Variants in INPP4B observed in about 807,000 individuals in gnomAD.
The protein encoded by INPP4B is inositol polyphosphate 4-phosphatase type II.
In INPP4B, 55 loss-of-function variants were observed where a neutral mutation model predicts 122.5. That is an observed-to-expected ratio of 0.45 (90% confidence interval 0.36 to 0.56). The LOEUF (loss-of-function observed/expected upper bound fraction) is 0.56. Among genes scored for constraint, INPP4B ranks in the 20% least tolerant of loss-of-function variants. INPP4B has a pLI of 0.00. For synonymous variants in INPP4B, 403 were observed against 388.7 expected (o/e 1.04, Z -0.43); for missense variants, 1,000 against 1,097.7 (o/e 0.91, Z 1.26).
chr4:142,497,237 G>A (rs192664539), intron 2 of INPP4B, among the ~76,000 whole-genome samples: 8 of 152,178 alleles, frequency 5.3e-5, no homozygotes, highest in African/African-American at 1.9e-4. Context: ...ACTAATGTGA[G>A]GTGAGAAATG....
chr4:142,213,215 C>T (rs1845627528), intron 12 of INPP4B, among the ~76,000 whole-genome samples: 1 of 152,196 alleles, frequency 6.6e-6, no homozygotes, highest in Admixed American at 6.5e-5. Context: ...CCACTTAGGA[C>T]AAATTGCTGC....
chr4:142,088,814 G>A (rs1466847121), intron 23 of INPP4B, among the ~76,000 whole-genome samples: 1 of 152,150 alleles, frequency 6.6e-6, no homozygotes, highest in East Asian at 1.9e-4. Context: ...AAATTCTTAC[G>A]ATATAAAGAC....
intron 2 of INPP4B, among the ~76,000 whole-genome samples, chr4:142,698,044 CAAG>C (rs777423578): frequency 1.3e-5 from 2 of 151,910 alleles, no homozygotes; most frequent in African/African-American, 2.4e-5. Flanking sequence ...GAGTATAATG[CAAG>C]AAGACTGGCT....
intron 2 of INPP4B, among the ~76,000 whole-genome samples, chr4:142,513,442 T>A (rs957411257): frequency 6.6e-6 from 1 of 151,928 alleles, no homozygotes; most frequent in African/African-American, 2.4e-5. Context: ...ACTCTCCCTC[T>A]TGTCCCCCAG....
At chr4:142,428,624 C>T (rs1401564872) in intron 5 of INPP4B, among the ~76,000 whole-genome samples, 1 of 151,930 alleles carries the variant, frequency 6.6e-6, no homozygotes, top group Non-Finnish European at 1.5e-5. Context: ...CATCCTTGGA[C>T]AAAGTTACAA....
intron 7 of INPP4B, among the ~76,000 whole-genome samples, chr4:142,359,505 T>G (rs2148513354): frequency 6.6e-6 from 1 of 152,120 alleles, no homozygotes. Flanking sequence ...TCTTACATTT[T>G]TATCATCTAA....
intron 2 of INPP4B, among the ~76,000 whole-genome samples, chr4:142,525,509 C>A (rs1231709068): frequency 1.3e-5 from 1 of 75,820 alleles, no homozygotes; most frequent in African/African-American, 3.9e-5. Context: ...CTATAGTAAG[C>A]AAAACAGCAT....
intron 2 of INPP4B, among the ~76,000 whole-genome samples, chr4:142,583,938 C>T (rs1302503822): frequency 6.6e-6 from 1 of 151,718 alleles, no homozygotes; most frequent in African/African-American, 2.4e-5. Flanking sequence ...CTATTCCAAT[C>T]AAAATTAAAA....
intron 7 of INPP4B, among the ~76,000 whole-genome samples, chr4:142,327,154 AAG>A (rs72576335): frequency 0.015 from 2,285 of 152,262 alleles, 57 homozygotes; most frequent in African/African-American, 0.052. Flanking sequence ...GCCCCCAATT[AAG>A]ACTATAGTCA....
chr4:142,685,699 G>A (rs574989195), intron 2 of INPP4B, among the ~76,000 whole-genome samples: 2 of 152,186 alleles, frequency 1.3e-5, no homozygotes, highest in Non-Finnish European at 2.9e-5. Flanking sequence ...GGTCAAGGCT[G>A]CAGTGAGCTG....
chr4:142,362,008 T>C (rs182826054), intron 7 of INPP4B, among the ~76,000 whole-genome samples: 16 of 151,996 alleles, frequency 1.1e-4, no homozygotes, highest in Non-Finnish European at 2.2e-4. Context: ...AAGTAAAACA[T>C]GAACACAAAC....
chr4:142,278,557 C>T (rs763348003), intron 9 of INPP4B, among the ~76,000 whole-genome samples: 24 of 151,898 alleles, frequency 1.6e-4, no homozygotes, highest in Non-Finnish European at 3.4e-4. Flanking sequence ...AAAGTTACCT[C>T]TCTGATTGGA....
intron 7 of INPP4B, among the ~76,000 whole-genome samples, chr4:142,349,753 T>G (rs1380971740): frequency 6.6e-6 from 1 of 151,980 alleles, no homozygotes; most frequent in Non-Finnish European, 1.5e-5. Flanking sequence ...AGGCACATCT[T>G]TAGATTCTTT....
intron 1 of INPP4B, among the ~76,000 whole-genome samples, chr4:142,763,872 A>G (rs1285857021): frequency 6.6e-6 from 1 of 152,168 alleles, no homozygotes; most frequent in African/African-American, 2.4e-5. Flanking sequence ...TAGTCAAGAC[A>G]TGAAATTATC....
At chr4:142,762,995 C>T (rs1017110564) in intron 1 of INPP4B, among the ~76,000 whole-genome samples, 21 of 152,120 alleles carry the variant, frequency 1.4e-4, no homozygotes, top group Non-Finnish European at 2.5e-4. Context: ...TCTTGAAAGC[C>T]GAGAGCAATC....
chr4:142,730,451 G>A (rs1442930422), intron 1 of INPP4B, among the ~76,000 whole-genome samples: 1 of 152,086 alleles, frequency 6.6e-6, no homozygotes, highest in Non-Finnish European at 1.5e-5. Context: ...TCAGTCAAGT[G>A]GAGTGTCTAA....
At chr4:142,742,804 A>G (rs1010868086) in intron 1 of INPP4B, among the ~76,000 whole-genome samples, 4 of 152,044 alleles carry the variant, frequency 2.6e-5, no homozygotes, top group Non-Finnish European at 4.4e-5. Context: ...TATTTAAAGT[A>G]ATCATGTTTA....
chr4:142,754,230 C>T (rs183976131), intron 1 of INPP4B, among the ~76,000 whole-genome samples: 9 of 152,076 alleles, frequency 5.9e-5, no homozygotes, highest in Middle Eastern at 3.4e-3. Context: ...TTATTAGCTA[C>T]GGGGTTTCTT....
chr4:142,258,768 A>T (rs1737958852), intron 11 of INPP4B, among the ~76,000 whole-genome samples: 1 of 152,194 alleles, frequency 6.6e-6, no homozygotes, highest in Admixed American at 6.5e-5. Context: ...ACTGTAAACT[A>T]GTTCAATCAT....
Sources: gnomAD v4.1 joint callset for allele counts (sites outside exome capture counted in the v4.1 genomes callset) on GRCh38, gnomAD v4.1.1 for gene constraint, MANE v1.5 for transcripts, NCBI Gene and HGNC (gene_info 2026-07-23, HGNC 2026-07-21) for gene names.